The following WWOX variants were observed in gnomAD, a reference collection of about 807,000 sequenced individuals.
The protein encoded by WWOX is WW domain containing oxidoreductase.
In WWOX, 69 loss-of-function variants were observed where a neutral mutation model predicts 46.2. That is an observed-to-expected ratio of 1.49 (90% confidence interval 1.23 to 1.82). The LOEUF (loss-of-function observed/expected upper bound fraction) is 1.82. Among genes scored for constraint, WWOX ranks in the 40% most tolerant of loss-of-function variants. WWOX has a pLI of 0.00. For missense variants in WWOX, 919 were observed against 542.6 expected, an observed-to-expected ratio of 1.69 and a Z score of -6.89; for synonymous variants, 359 against 202.6, an observed-to-expected ratio of 1.77 and a Z score of -6.56.
intron 8 of WWOX, among the ~76,000 whole-genome samples, chr16:78,568,412 G>A (rs910760754): frequency 6.0e-5 from 9 of 150,920 alleles, no homozygotes; most frequent in African/African-American, 2.2e-4. Context: ...CCAAGAAATT[G>A]CTAACCACTG....
At chr16:78,931,955 G>A (rs1299391677) in intron 8 of WWOX, among the ~76,000 whole-genome samples, 1 of 152,160 alleles carries the variant, frequency 6.6e-6, no homozygotes, top group Non-Finnish European at 1.5e-5. Context: ...TTTATAAAGG[G>A]CAGTTCCCCT....
At chr16:78,544,777 C>G (rs186525799) in intron 8 of WWOX, among the ~76,000 whole-genome samples, 1 of 152,026 alleles carries the variant, frequency 6.6e-6, no homozygotes, top group African/African-American at 2.4e-5. Flanking sequence ...CAGGAGACTG[C>G]GGTAGGGGGA....
intron 8 of WWOX, among the ~76,000 whole-genome samples, chr16:78,453,874 C>T (rs1365518818): frequency 2.6e-5 from 4 of 151,940 alleles, no homozygotes; most frequent in African/African-American, 9.7e-5. Context: ...TATCTGTTTT[C>T]TGTACATGCC....
At chr16:78,555,823 C>T (rs942176344) in intron 8 of WWOX, among the ~76,000 whole-genome samples, 1 of 151,984 alleles carries the variant, frequency 6.6e-6, no homozygotes, top group African/African-American at 2.4e-5. Flanking sequence ...TGAGCCATGC[C>T]AATAAGAAAA....
chr16:78,452,998 C>T (rs534310695), intron 8 of WWOX, among the ~76,000 whole-genome samples: 1 of 151,466 alleles, frequency 6.6e-6, no homozygotes, highest in East Asian at 2.0e-4. Flanking sequence ...CCTCCTCTCT[C>T]AGCCTCCCGA....
intron 8 of WWOX, among the ~76,000 whole-genome samples, chr16:78,829,642 G>A (rs899967812): frequency 7.9e-5 from 12 of 152,002 alleles, no homozygotes; most frequent in Non-Finnish European, 1.3e-4. Context: ...CCCTTAGCCT[G>A]TACTAGGTTC....
At chr16:78,248,471 A>C (rs970441687) in intron 5 of WWOX, among the ~76,000 whole-genome samples, 1 of 152,130 alleles carries the variant, frequency 6.6e-6, no homozygotes, top group African/African-American at 2.4e-5. Flanking sequence ...GTGCGGTGGC[A>C]CACTCTGTAA....
intron 8 of WWOX, among the ~76,000 whole-genome samples, chr16:78,641,416 T>C (rs1314287336): frequency 6.6e-6 from 1 of 152,122 alleles, no homozygotes; most frequent in Non-Finnish European, 1.5e-5. Flanking sequence ...CCGTGGCTCT[T>C]TCATTAATAA....
intron 8 of WWOX, among the ~76,000 whole-genome samples, chr16:78,632,235 G>T (rs1386140628): frequency 1.3e-5 from 2 of 152,142 alleles, no homozygotes; most frequent in Non-Finnish European, 2.9e-5. Context: ...GTACAATGGG[G>T]TTAATACTAC....
At chr16:78,251,451 G>T (rs1410114171) in intron 5 of WWOX, among the ~76,000 whole-genome samples, 1 of 151,992 alleles carries the variant, frequency 6.6e-6, no homozygotes, top group African/African-American at 2.4e-5. Context: ...ACACAGCATT[G>T]CCTGTTTCAC....
chr16:78,704,072 C>G (rs2048281748), intron 8 of WWOX, among the ~76,000 whole-genome samples: 1 of 152,004 alleles, frequency 6.6e-6, no homozygotes, highest in Non-Finnish European at 1.5e-5. Context: ...TCCCAGCCAT[C>G]TGTTTCAATT....
intron 8 of WWOX, among the ~76,000 whole-genome samples, chr16:78,471,649 G>C (rs931936861): frequency 1.3e-5 from 2 of 152,028 alleles, no homozygotes; most frequent in Admixed American, 6.6e-5. Context: ...TTTATATTAG[G>C]GTAATGGCCT....
intron 8 of WWOX, among the ~76,000 whole-genome samples, chr16:78,656,210 C>G (rs1031817896): frequency 6.6e-6 from 1 of 151,976 alleles, no homozygotes; most frequent in African/African-American, 2.4e-5. Flanking sequence ...AAGGTAGGAT[C>G]ACCTCTCTGT....
At chr16:79,181,153 ATTATACATGCAC>A (rs1470645989) in intron 8 of WWOX, among the ~76,000 whole-genome samples, 5 of 152,234 alleles carry the variant, frequency 3.3e-5, no homozygotes, top group Non-Finnish European at 7.3e-5. Flanking sequence ...AAACATGCAG[ATTATACATGCAC>A]TATAGGAGTG....
intron 5 of WWOX, among the ~76,000 whole-genome samples, chr16:78,275,658 A>G (rs1435396241): frequency 6.6e-6 from 1 of 152,216 alleles, no homozygotes; most frequent in East Asian, 1.9e-4. Flanking sequence ...TGTTCTGCCC[A>G]CATGGAATGG....
At position 78,774,211 on chromosome 16, in the gene WWOX, G is replaced by A. The variant is rs572123617; in HGVS notation, c.1056+341459G>A. 3.9e-5 allele frequency among the ~76,000 whole-genome samples: 6 copies of A among 152,206 alleles called. No homozygotes were observed. In the East Asian group the frequency reaches 1.2e-3, roughly 29 times the overall value. On this transcript the variant is annotated intron_variant, in intron 8 of 8. Coordinates refer to ENST00000566780, the MANE Select transcript of WWOX (RefSeq NM_016373.4). ...AGGTCAGGAGATGGAGACCATCCTG[G>A]CCAACATGGTGAAACCCTGTCTCTA...
rs1033166823 is a variant in WWOX at position 78,929,227 on chromosome 16, G to T, written c.1057-282381G>T. 4.6e-5 allele frequency among the ~76,000 whole-genome samples: 7 copies of T among 151,090 alleles called. No individual in the cohort carries two copies. In the South Asian group the frequency reaches 8.4e-4, roughly 18 times the overall value. ...TTATTTTCATAAACTCTTCAGTTCTGTTGGGCTTTTATGTTATCATACAGT... is the reference window on the plus strand; with the variant it reads ...TTATTTTCATAAACTCTTCAGTTCTTTTGGGCTTTTATGTTATCATACAGT... On this transcript the variant is annotated intron_variant, in intron 8 of 8. Transcript: ENST00000566780.
At chr16:79,186,587 C>G (rs181780255) in intron 8 of WWOX, among the ~76,000 whole-genome samples, 3 of 152,184 alleles carry the variant, frequency 2.0e-5, no homozygotes, top group Admixed American at 6.5e-5. Flanking sequence ...AATTACATGT[C>G]TATTTCCAAG....
chr16:78,290,549 A>C (rs2079843864), intron 5 of WWOX, among the ~76,000 whole-genome samples: 3 of 152,112 alleles, frequency 2.0e-5, no homozygotes, highest in Admixed American at 2.0e-4. Flanking sequence ...TTATGAAGAG[A>C]GTGTAGAGTG....
Sources: gnomAD v4.1 joint callset for allele counts (sites outside exome capture counted in the v4.1 genomes callset) on GRCh38, gnomAD v4.1.1 for gene constraint, MANE v1.5 for transcripts, NCBI Gene and HGNC (gene_info 2026-07-23, HGNC 2026-07-21) for gene names.